PXDC1: variants seen among roughly 807,000 people sequenced by gnomAD.
PXDC1 encodes the protein PX domain containing 1.
A neutral mutation model predicts 24.4 loss-of-function variants in PXDC1; 13 were observed. That is an observed-to-expected ratio of 0.53 (90% CI 0.35 to 0.85). The LOEUF (loss-of-function observed/expected upper bound fraction) is 0.85, where lower values mean the gene tolerates loss of function less well. Among genes scored for constraint, PXDC1 ranks in the 40% least tolerant of loss-of-function variants. PXDC1 has a pLI of 0.01. For synonymous variants in PXDC1, 162 were observed against 124.9 expected, an observed-to-expected ratio of 1.30 and a Z score of -1.98; for missense variants, 344 against 309.3, an observed-to-expected ratio of 1.11 and a Z score of -0.84.
At chr6:3,746,391 G>A (rs191107278) in intron 1 of PXDC1, among the ~76,000 whole-genome samples, 1 of 152,212 alleles carries the variant, frequency 6.6e-6, no homozygotes, top group Non-Finnish European at 1.5e-5. Context: ...AGGAAGAGGA[G>A]GCCGCGTGAA....
Position 3,723,326 on chromosome 6 carries a change from C to G in PXDC1, c.*293G>C, listed in dbSNP as rs563718551. The stretch of plus-strand genomic sequence containing the variant: ...GAGCCCCACAGGAACTGTCCCTGCC[C>G]TGGCAGTGCGCAGCCCTGTGGGCAC... On this transcript the variant is annotated 3_prime_UTR_variant, in exon 5 of 5. Transcript: ENST00000380283. 2.4e-6 allele frequency: 1 copy of G among 416,290 alleles called. No individual in the cohort carries two copies. The highest frequency in any genetic ancestry group is 3.7e-5 in the Admixed American group (1 of 27,294). The allele number at this position is 416,290 out of a possible 1,614,324, so 25.8% of individuals were successfully genotyped here.
At chr6:3,726,865 C>G (rs1760080434) in intron 4 of PXDC1, among the ~76,000 whole-genome samples, 6 of 152,238 alleles carry the variant, frequency 3.9e-5, no homozygotes, top group African/African-American at 1.4e-4. Flanking sequence ...CGTGGTGGGA[C>G]AGCAGAATGG....
chr6:3,723,763 G>T (rs188155048), intron 4 of PXDC1, 27 bp from the exon 5 acceptor site: 1 of 1,584,696 alleles, frequency 6.3e-7, no homozygotes, highest in East Asian at 2.2e-5. Context: ...CAGAGGTGAG[G>T]GGTGGCTCAT....
intron 1 of PXDC1, among the ~76,000 whole-genome samples, chr6:3,741,476 G>A (rs922667957): frequency 5.9e-5 from 9 of 152,164 alleles, no homozygotes; most frequent in African/African-American, 1.2e-4. Context: ...TCCCCATTCC[G>A]GCTCCCGGTG....
In PXDC1 at chr6:3,725,671, G is replaced by C. The variant is rs1007220187; in HGVS notation, c.578+1880C>G. Among the ~76,000 whole-genome samples the C allele has an allele frequency of 3.9e-5, 6 of 152,342 alleles. No homozygotes were observed. Among genetic ancestry groups the C allele is most frequent in the Admixed American group, 2.0e-4 (3 of 15,312 alleles). Reference sequence around the variant, plus strand: ...GAGGTGAAGCCTCCAGTTCCACAAAGGGTGTCTGTGCTCTTGGTCGCTGTC... The same window carrying C: ...GAGGTGAAGCCTCCAGTTCCACAAACGGTGTCTGTGCTCTTGGTCGCTGTC... On this transcript the variant is annotated intron_variant, in intron 4 of 4. Coordinates refer to ENST00000380283, the MANE Select transcript of PXDC1 (RefSeq NM_183373.4). The surrounding 1 kb of genome is among the most constrained non-coding windows in gnomAD (Gnocchi z 4.8).
intron 3 of PXDC1, among the ~76,000 whole-genome samples, chr6:3,727,943 G>A (rs1760107251): frequency 6.6e-6 from 1 of 152,134 alleles, no homozygotes; most frequent in Non-Finnish European, 1.5e-5. Context: ...CTTCGCTGTG[G>A]GCTTCAAGCT....
Position 3,746,542 on chromosome 6 carries a change from G to C in PXDC1, c.256+4734C>G, listed in dbSNP as rs999273015. On this transcript the variant is annotated intron_variant, in intron 1 of 4. Transcript: ENST00000380283. ...GAAGTAAAGCTGCCCCTCTGGGTGG[G>C]GCAGAATGACGCAGGTGAATTCTGC... 3.3e-5 allele frequency among the ~76,000 whole-genome samples: 5 copies of C among 152,242 alleles called. No individual in the cohort carries two copies. In the East Asian group the frequency reaches 9.7e-4, roughly 29 times the overall value.
chr6:3,742,458 C>T (rs1199892372), intron 1 of PXDC1, among the ~76,000 whole-genome samples: 1 of 152,184 alleles, frequency 6.6e-6, no homozygotes, highest in Non-Finnish European at 1.5e-5. Flanking sequence ...TGCCTGAGAT[C>T]GCACGGATGA....
chr6:3,730,948 C>T (rs941610178), intron 3 of PXDC1, among the ~76,000 whole-genome samples: 4 of 152,194 alleles, frequency 2.6e-5, no homozygotes, highest in African/African-American at 9.7e-5. Context: ...TCAGTTTCTT[C>T]ATCTGTACAA....
chr6:3,735,618 G>A (rs1003683556), intron 3 of PXDC1, among the ~76,000 whole-genome samples: 5 of 152,168 alleles, frequency 3.3e-5, no homozygotes, highest in African/African-American at 9.7e-5. Flanking sequence ...AGGGGCCAGC[G>A]GTGGACAGGG....
rs184658900 is a variant in PXDC1, at chr6:3,724,783, C to T, written c.579-1047G>A. 6.6e-6 allele frequency among the ~76,000 whole-genome samples: 1 copy of T among 152,358 alleles called. No homozygotes were observed. Among genetic ancestry groups the T allele is most frequent in the East Asian group, 1.9e-4 (1 of 5,184 alleles). Reference sequence around the variant, plus strand: ...TGCACAGTCCAGGCCCCTGGCCGGACACACAACAAGGCAGGGCGAGCATAT... The same window carrying T: ...TGCACAGTCCAGGCCCCTGGCCGGATACACAACAAGGCAGGGCGAGCATAT... On this transcript the variant is annotated intron_variant, in intron 4 of 4. Transcript: ENST00000380283. This position sits in a 1 kb window ranked among gnomAD's most constrained non-coding sequence, Gnocchi z 4.5.
chr6:3,739,041 A>C, intron 1 of PXDC1: 4 of 1,212,352 alleles, frequency 3.3e-6, no homozygotes, highest in Non-Finnish European at 4.2e-6. Context: ...GATTACTGCG[A>C]TTACTTTTGC....
intron 1 of PXDC1, among the ~76,000 whole-genome samples, chr6:3,743,001 G>A (rs1332624757): frequency 6.6e-6 from 1 of 152,200 alleles, no homozygotes; most frequent in African/African-American, 2.4e-5. Flanking sequence ...CGCGCTGGAG[G>A]CAGTACAAAA....
intron 1 of PXDC1, among the ~76,000 whole-genome samples, chr6:3,739,327 G>A (rs1760403480): frequency 6.6e-6 from 1 of 152,192 alleles, no homozygotes; most frequent in Non-Finnish European, 1.5e-5. Flanking sequence ...GGGGTCAGTG[G>A]GGATCAGTGG....
At chr6:3,741,947 G>C (rs891073803) in intron 1 of PXDC1, among the ~76,000 whole-genome samples, 1 of 152,126 alleles carries the variant, frequency 6.6e-6, no homozygotes, top group Admixed American at 6.5e-5. Flanking sequence ...CTGTCCACTG[G>C]GACCACAGTG....
In PXDC1 at chr6:3,751,684, T is replaced by TCGGGGCAG. The variant is rs529830563; in HGVS notation, c.-161_-154dup. 3,822 of 1,175,592 alleles carry TCGGGGCAG rather than the reference T, an allele frequency of 3.3e-3. 125 individuals are homozygous for TCGGGGCAG. In the African/African-American group the frequency reaches 0.056, roughly 17 times the overall value. 72.8% of individuals were successfully genotyped at this position (1,175,592 alleles called of 1,614,324 possible). A position where few individuals can be genotyped will look rare whatever the true frequency, so the allele number is the denominator to read the frequency against. On this transcript the variant is annotated 5_prime_UTR_variant, in exon 1 of 5. Transcript: ENST00000380283. ...CAAGGAGGCTGCGTATGGCCCGCGT[T>TCGGGGCAG]CGGGGCAGCGGGGCGGCGCGGCGGC...
At chr6:3,743,775 C>T (rs1581250625) in intron 1 of PXDC1, among the ~76,000 whole-genome samples, 2 of 152,196 alleles carry the variant, frequency 1.3e-5, no homozygotes, top group African/African-American at 2.4e-5. Context: ...AGCGAGATTG[C>T]GGCTGTGTGG....
intron 1 of PXDC1, among the ~76,000 whole-genome samples, chr6:3,746,128 C>T (rs1397835104): frequency 2.0e-5 from 3 of 152,204 alleles, no homozygotes; most frequent in African/African-American, 7.2e-5. Context: ...TGCCAACTGC[C>T]ACCGTGAAAG....
rs1362921869 is a variant in PXDC1, at chr6:3,726,000, A to T, written c.578+1551T>A. On this transcript the variant is annotated intron_variant, in intron 4 of 4. Transcript: ENST00000380283. The surrounding 1 kb of genome is among the most constrained non-coding windows in gnomAD (Gnocchi z 4.8). ...CATGCAGTCAGTCCCGGGCAGCTGC[A>T]AGAGCCACACCTCTGGCCCGGCTTT... Among the ~76,000 whole-genome samples, 9 of 152,134 alleles carry T rather than the reference A, an allele frequency of 5.9e-5. No individual in the cohort carries two copies.
Sources: allele counts gnomAD v4.1 joint callset (sites outside exome capture counted in the v4.1 genomes callset), GRCh38; gene constraint gnomAD v4.1.1; non-coding constraint Gnocchi (gnomAD v3.1); transcripts MANE v1.5; gene names NCBI Gene and HGNC (gene_info 2026-07-23, HGNC 2026-07-21).